Variants in TMEM117 observed in about 807,000 individuals in gnomAD.
TMEM117 encodes transmembrane protein 117.
TMEM117 carries 27 observed loss-of-function variants against 52.4 expected under a neutral mutation model. The ratio of observed to expected loss-of-function variants is 0.51; its 90% CI spans 0.38 to 0.71. The LOEUF (loss-of-function observed/expected upper bound fraction) is 0.71. Among genes scored for constraint, TMEM117 ranks in the 30% least tolerant of loss-of-function variants. The pLI is 0.00. For synonymous variants in TMEM117, 215 were observed against 206.3 expected (o/e 1.04, Z -0.36); for missense variants, 556 against 630.5 (o/e 0.88, Z 1.26).
At chr12:43,902,244 C>A (rs1462230649) in intron 2 of TMEM117, among the ~76,000 whole-genome samples, 1 of 152,138 alleles carries the variant, frequency 6.6e-6, no homozygotes, top group East Asian at 1.9e-4. Flanking sequence ...TAACTATAGA[C>A]ACTGGGGGAA....
At chr12:44,266,880 A>T (rs559795360) in intron 5 of TMEM117, among the ~76,000 whole-genome samples, 99 of 152,078 alleles carry the variant, frequency 6.5e-4, no homozygotes, top group Non-Finnish European at 1.3e-3. Flanking sequence ...TCTTTTCCCC[A>T]TTGTATAGTG....
intron 4 of TMEM117, among the ~76,000 whole-genome samples, chr12:44,183,568 G>A (rs1200252864): frequency 6.6e-6 from 1 of 152,096 alleles, no homozygotes; most frequent in African/African-American, 2.4e-5. Flanking sequence ...TTCATTAAGG[G>A]GGCTGGGAAA....
At chr12:43,870,026 G>A (rs1204705876) in intron 2 of TMEM117, among the ~76,000 whole-genome samples, 1 of 152,050 alleles carries the variant, frequency 6.6e-6, no homozygotes, top group East Asian at 1.9e-4. Flanking sequence ...GTGGTATTTG[G>A]TTTTCTGTTC....
intron 2 of TMEM117, among the ~76,000 whole-genome samples, chr12:43,912,491 G>A (rs1944524580): frequency 7.8e-6 from 1 of 127,394 alleles, no homozygotes; most frequent in East Asian, 2.1e-4. Flanking sequence ...AAAACTTAAA[G>A]TATAATAATA....
At chr12:43,943,365 T>G (rs1047377201) in intron 2 of TMEM117, among the ~76,000 whole-genome samples, 3 of 151,960 alleles carry the variant, frequency 2.0e-5, no homozygotes, top group Non-Finnish European at 2.9e-5. Flanking sequence ...ACTCCCAAGG[T>G]TTTTTACCTT....
chr12:44,083,274 T>C (rs533804825), intron 3 of TMEM117, among the ~76,000 whole-genome samples: 1 of 152,254 alleles, frequency 6.6e-6, no homozygotes, highest in East Asian at 1.9e-4. Flanking sequence ...AATAACATAC[T>C]AAATTATCAT....
chr12:44,004,981 C>T (rs1343124754), intron 3 of TMEM117, among the ~76,000 whole-genome samples: 3 of 152,088 alleles, frequency 2.0e-5, no homozygotes, highest in Non-Finnish European at 4.4e-5. Flanking sequence ...TGCTTAAAAG[C>T]CGGACAAGTA....
intron 3 of TMEM117, among the ~76,000 whole-genome samples, chr12:44,058,344 T>C (rs1947089822): frequency 6.6e-6 from 1 of 152,210 alleles, no homozygotes; most frequent in South Asian, 2.1e-4. Flanking sequence ...TGATCTTCTG[T>C]AATCACAATA....
intron 4 of TMEM117, among the ~76,000 whole-genome samples, chr12:44,159,959 C>CAGGTTGA (rs1224476298): frequency 3.3e-5 from 5 of 152,128 alleles, no homozygotes; most frequent in African/African-American, 1.2e-4. Flanking sequence ...ATGCTCATCT[C>CAGGTTGA]CACCCAGGTT....
chr12:44,129,593 C>T (rs1410363528), intron 3 of TMEM117, among the ~76,000 whole-genome samples: 1 of 152,172 alleles, frequency 6.6e-6, no homozygotes, highest in Non-Finnish European at 1.5e-5. Context: ...TCCTGCCTCC[C>T]TGTCTTGAAA....
At chr12:44,113,986 A>C (rs1948084850) in intron 3 of TMEM117, among the ~76,000 whole-genome samples, 1 of 145,040 alleles carries the variant, frequency 6.9e-6, no homozygotes, top group South Asian at 2.2e-4. Context: ...TGTGTCCGTC[A>C]CCCCTTTCTT....
intron 4 of TMEM117, among the ~76,000 whole-genome samples, chr12:44,200,811 T>G (rs900569407): frequency 6.6e-6 from 1 of 152,100 alleles, no homozygotes; most frequent in African/African-American, 2.4e-5. Flanking sequence ...GGTGCCAGAC[T>G]CTAAAAGCCC....
At chr12:44,074,686 C>T (rs1481500748) in intron 3 of TMEM117, among the ~76,000 whole-genome samples, 1 of 152,172 alleles carries the variant, frequency 6.6e-6, no homozygotes. Flanking sequence ...ATATCATATA[C>T]ATTTGGCAGT....
intron 4 of TMEM117, among the ~76,000 whole-genome samples, chr12:44,173,589 T>C (rs1949079075): frequency 6.6e-6 from 1 of 150,778 alleles, no homozygotes; most frequent in South Asian, 2.1e-4. Flanking sequence ...TTTTATTCTT[T>C]AGTTGCTGAA....
chr12:43,807,505 C>G, the TMEM117 span, among the ~76,000 whole-genome samples: 3 of 152,288 alleles, frequency 2.0e-5, no homozygotes, highest in Admixed American at 2.0e-4. Flanking sequence ...CTTCCTGACA[C>G]AATGGTTCAC....
chr12:44,178,345 C>G (rs1347460092), intron 4 of TMEM117, among the ~76,000 whole-genome samples: 1 of 152,162 alleles, frequency 6.6e-6, no homozygotes, highest in Non-Finnish European at 1.5e-5. Flanking sequence ...ATAACAGAAA[C>G]TTATATTTAA....
chr12:44,008,439 G>A (rs1030431639), intron 3 of TMEM117, among the ~76,000 whole-genome samples: 4 of 152,172 alleles, frequency 2.6e-5, no homozygotes, highest in African/African-American at 9.7e-5. Context: ...TACTCGTTAT[G>A]TATAAGTCTT....
chr12:43,979,029 T>A (rs1227028875), intron 3 of TMEM117, among the ~76,000 whole-genome samples: 2 of 151,622 alleles, frequency 1.3e-5, no homozygotes, highest in East Asian at 3.9e-4. Context: ...AGGAGTTAAA[T>A]GCCTGAGAGA....
chr12:44,299,652 G>A lies in TMEM117; in HGVS notation c.681G>A (p.Leu227=). The A allele has an allele frequency of 6.2e-7, 1 of 1,614,208 alleles. No homozygotes were observed. The highest frequency in any genetic ancestry group is 8.5e-7 in the Non-Finnish European group (1 of 1,180,024). Residue 227 remains leucine, a synonymous_variant, in exon 6 of 8, where the codon CTG becomes CTA. Transcript: ENST00000266534. ...CGGACTGGATCAGCTGGGACAAGCTGAATCGGGGATTTTTGCCCAGTGATG... is the reference window on the plus strand; with the variant it reads ...CGGACTGGATCAGCTGGGACAAGCTAAATCGGGGATTTTTGCCCAGTGATG... The part of the protein sequence containing the change: ...ITTDWISWDK[L]NRGFLPSDEV...
Sources: allele counts gnomAD v4.1 joint callset (sites outside exome capture counted in the v4.1 genomes callset), GRCh38; gene constraint gnomAD v4.1.1; transcripts MANE v1.5; gene names NCBI Gene and HGNC (gene_info 2026-07-23, HGNC 2026-07-21).